Variants in VOPP1 observed in about 807,000 individuals in gnomAD.
VOPP1 encodes VOPP1 WW domain binding protein, also known as WW domain binding protein VOPP1.
Under a neutral mutation model 23.5 loss-of-function variants are expected in VOPP1, and 8 were observed. The ratio of observed to expected loss-of-function variants is 0.34; its 90% confidence interval spans 0.20 to 0.61. VOPP1 has a LOEUF of 0.61. Ranked by LOEUF, VOPP1 falls within the 20% of genes least tolerant of loss-of-function variation. VOPP1 has a pLI of 0.78. For missense variants in VOPP1, 174 were observed against 238.1 expected (o/e 0.73, Z 1.77); for synonymous variants, 83 against 97.3 (o/e 0.85, Z 0.86).
chr7:55,505,701 G>C (rs1794679523), intron 2 of VOPP1, among the ~76,000 whole-genome samples: 1 of 124,918 alleles, frequency 8.0e-6, no homozygotes, highest in East Asian at 2.6e-4. Flanking sequence ...GAGGGAGGGA[G>C]GGAAGGAACT....
At chr7:55,489,339 C>T (rs1793387339) in intron 4 of VOPP1, among the ~76,000 whole-genome samples, 1 of 152,202 alleles carries the variant, frequency 6.6e-6, no homozygotes, top group African/African-American at 2.4e-5. Context: ...ACATTTTGGT[C>T]AGAGAAGATG....
chr7:55,502,960 C>G (rs1482800284), intron 2 of VOPP1, among the ~76,000 whole-genome samples: 1 of 152,182 alleles, frequency 6.6e-6, no homozygotes, highest in Non-Finnish European at 1.5e-5. Context: ...CACAGCATAT[C>G]TAATTATAGT....
chr7:55,477,055 G>C (rs1792311112), intron 4 of VOPP1, among the ~76,000 whole-genome samples: 1 of 152,142 alleles, frequency 6.6e-6, no homozygotes, highest in Non-Finnish European at 1.5e-5. Flanking sequence ...ACCACCTCAT[G>C]CCAGGCACCT....
chr7:55,435,326 C>T (rs1200525769), downstream of VOPP1, among the ~76,000 whole-genome samples: 1 of 152,196 alleles, frequency 6.6e-6, no homozygotes, highest in Admixed American at 6.5e-5. Flanking sequence ...TGTGTGTGGG[C>T]CAGCCGGGCT....
At chr7:55,489,586 G>A (rs190525121) in intron 4 of VOPP1, among the ~76,000 whole-genome samples, 150 of 152,328 alleles carry the variant, frequency 9.8e-4, no homozygotes, top group Non-Finnish European at 1.9e-3. Flanking sequence ...GGTGACTGAG[G>A]GCAGGTGTCC....
At chr7:55,523,124 G>A (rs1435301468) in intron 1 of VOPP1, among the ~76,000 whole-genome samples, 1 of 152,108 alleles carries the variant, frequency 6.6e-6, no homozygotes, top group African/African-American at 2.4e-5. Flanking sequence ...GGACTCACGA[G>A]AGCTCCCCTG....
intron 2 of VOPP1, among the ~76,000 whole-genome samples, chr7:55,504,806 C>T (rs541337721): frequency 5.3e-5 from 8 of 152,222 alleles, no homozygotes; most frequent in Non-Finnish European, 1.0e-4. Context: ...TATGGTTTCT[C>T]TTTATTAGGA....
rs1002148517 is a variant in VOPP1 at position 55,439,312 on chromosome 7, G to C, written n.418-3138C>G. Among the ~76,000 whole-genome samples, 18 of 151,734 alleles carry C rather than the reference G, an allele frequency of 1.2e-4. No individual in the cohort carries two copies. The East Asian group carries it at 3.3e-3, about 28-fold the overall frequency. The stretch of plus-strand genomic sequence containing the variant: ...CCCTGGAAGCCGTGTGTGGAGAAGG[G>C]AGGGGTCGCCTGTGTCAGAGGCTTC... On this transcript the variant is annotated intron_variant and non_coding_transcript_variant, in intron 4 of 4. Coordinates refer to the VOPP1 transcript ENST00000462326.
intron 4 of VOPP1, among the ~76,000 whole-genome samples, chr7:55,445,244 GAC>G (rs202053072): frequency 0.02 from 2,375 of 121,260 alleles, 45 homozygotes; most frequent in Admixed American, 0.047. Context: ...CACACACACA[GAC>G]ACACACACAC....
chr7:55,457,180 A>C, intron 4 of VOPP1, among the ~76,000 whole-genome samples: 1 of 152,122 alleles, frequency 6.6e-6, no homozygotes, highest in Non-Finnish European at 1.5e-5. Flanking sequence ...TATTGCTGAC[A>C]ACATGTGATA....
chr7:55,570,543 G>C (rs1798312352), intron 1 of VOPP1, among the ~76,000 whole-genome samples: 1 of 152,156 alleles, frequency 6.6e-6, no homozygotes, highest in Non-Finnish European at 1.5e-5. Flanking sequence ...AGGCCGTCTA[G>C]GCTACATATA....
At chr7:55,558,960 A>G (rs1797896877) in intron 1 of VOPP1, among the ~76,000 whole-genome samples, 1 of 152,228 alleles carries the variant, frequency 6.6e-6, no homozygotes, top group South Asian at 2.1e-4. Flanking sequence ...CTCACTGAAA[A>G]GTTTAATACC....
chr7:55,557,477 G>T (rs965685061), intron 1 of VOPP1, among the ~76,000 whole-genome samples: 2 of 148,950 alleles, frequency 1.3e-5, no homozygotes, highest in Admixed American at 1.3e-4. Flanking sequence ...AAAAAAAAAG[G>T]ACTTAAAAAA....
At chr7:55,449,276 C>G (rs1791181210) in intron 4 of VOPP1, among the ~76,000 whole-genome samples, 1 of 152,204 alleles carries the variant, frequency 6.6e-6, no homozygotes, top group Non-Finnish European at 1.5e-5. Flanking sequence ...AGGGCCCGCG[C>G]TTCTCCCGGA....
At chr7:55,459,448 G>T (rs758137975) in intron 4 of VOPP1, among the ~76,000 whole-genome samples, 4 of 152,046 alleles carry the variant, frequency 2.6e-5, no homozygotes, top group Non-Finnish European at 2.9e-5. Flanking sequence ...TGAAGAATTG[G>T]TGTTAGTTTT....
At chr7:55,460,082 A>AG (rs1791462427) in intron 4 of VOPP1, among the ~76,000 whole-genome samples, 2 of 151,922 alleles carry the variant, frequency 1.3e-5, no homozygotes, top group African/African-American at 4.8e-5. Flanking sequence ...CATATTAAAT[A>AG]TTTAAAAACA....
chr7:55,511,395 A>G (rs1795062463), intron 2 of VOPP1, among the ~76,000 whole-genome samples: 1 of 152,232 alleles, frequency 6.6e-6, no homozygotes, highest in Non-Finnish European at 1.5e-5. Context: ...GAAACATCAT[A>G]CCAAACGGAA....
intron 4 of VOPP1, among the ~76,000 whole-genome samples, chr7:55,487,518 C>T (rs1170534638): frequency 6.6e-6 from 1 of 152,182 alleles, no homozygotes; most frequent in Admixed American, 6.5e-5. Flanking sequence ...TATTCACAGG[C>T]TTAATCACAG....
intron 4 of VOPP1, 44 bp downstream of exon 4, chr7:55,492,238 G>A (rs749795787): frequency 1.7e-5 from 27 of 1,573,970 alleles, no homozygotes; most frequent in Admixed American, 5.3e-5. Flanking sequence ...GTTGGCAGAC[G>A]ACACACACTG....
Sources: gnomAD v4.1 joint callset for allele counts (sites outside exome capture counted in the v4.1 genomes callset) on GRCh38, gnomAD v4.1.1 for gene constraint, MANE v1.5 for transcripts, NCBI Gene and HGNC (gene_info 2026-07-23, HGNC 2026-07-21) for gene names.